Variants in SERPINI1 observed in about 807,000 individuals in gnomAD.
The protein encoded by SERPINI1 is serpin family I member 1.
Under a neutral mutation model 41.1 loss-of-function variants are expected in SERPINI1, and 19 were observed. The observed-to-expected ratio is 0.46, with a 90% CI of 0.32 to 0.68. The LOEUF is 0.68. SERPINI1 is among the 30% of genes least tolerant of loss of function. The probability of loss-of-function intolerance (pLI) is 0.03; values close to 1 mark genes in which losing one functional copy is unlikely to be tolerated. For missense variants in SERPINI1, 460 were observed against 479.2 expected, an observed-to-expected ratio of 0.96 and a Z score of 0.37; for synonymous variants, 138 against 156.6, an observed-to-expected ratio of 0.88 and a Z score of 0.89.
intron 1 of SERPINI1, among the ~76,000 whole-genome samples, chr3:167,751,116 T>A (rs931486575): frequency 2.0e-5 from 3 of 152,204 alleles, no homozygotes; most frequent in Non-Finnish European, 4.4e-5. Flanking sequence ...CTGAAATCTT[T>A]CTGTCTCACC....
At chr3:167,811,458 T>TA (rs11361725) in intron 6 of SERPINI1, among the ~76,000 whole-genome samples, 69 of 146,024 alleles carry the variant, frequency 4.7e-4, no homozygotes, top group Middle Eastern at 3.5e-3. Context: ...ATGAAATGGC[T>TA]AAAAAAAAAA....
At chr3:167,737,148 A>G (rs924750735) in intron 1 of SERPINI1, among the ~76,000 whole-genome samples, 1 of 152,126 alleles carries the variant, frequency 6.6e-6, no homozygotes, top group African/African-American at 2.4e-5. Context: ...GAAATGGCTC[A>G]AATGAATTCT....
intron 5 of SERPINI1, among the ~76,000 whole-genome samples, chr3:167,797,205 G>A (rs897871142): frequency 6.6e-6 from 1 of 151,950 alleles, no homozygotes; most frequent in Non-Finnish European, 1.5e-5. Context: ...TAATGTGATT[G>A]TTTACTCCTT....
intron 5 of SERPINI1, among the ~76,000 whole-genome samples, chr3:167,795,437 C>T (rs927335915): frequency 1.7e-4 from 26 of 152,178 alleles, no homozygotes; most frequent in Non-Finnish European, 2.9e-4. Context: ...CATGTTGTAG[C>T]ATGTTCTGTC....
intron 6 of SERPINI1, among the ~76,000 whole-genome samples, chr3:167,819,285 A>T (rs1411696655): frequency 6.6e-6 from 1 of 152,088 alleles, no homozygotes; most frequent in African/African-American, 2.4e-5. Flanking sequence ...GAGTGCTGGG[A>T]TAATAGGCAT....
At chr3:167,761,505 TC>T (rs1016375082) in intron 1 of SERPINI1, among the ~76,000 whole-genome samples, 1 of 152,218 alleles carries the variant, frequency 6.6e-6, no homozygotes, top group Non-Finnish European at 1.5e-5. Context: ...GTAGGCTCAT[TC>T]TACCTTAACC....
At chr3:167,776,197 C>G (rs891291976) in intron 1 of SERPINI1, among the ~76,000 whole-genome samples, 1 of 152,212 alleles carries the variant, frequency 6.6e-6, no homozygotes, top group Non-Finnish European at 1.5e-5. Flanking sequence ...TGACTTTTTA[C>G]CCGTCTCTCT....
chr3:167,783,669 C>T (rs1727212886), intron 1 of SERPINI1, among the ~76,000 whole-genome samples: 1 of 152,072 alleles, frequency 6.6e-6, no homozygotes, highest in African/African-American at 2.4e-5. Flanking sequence ...AGCGCCCACC[C>T]AGCCAAAAAC....
chr3:167,823,544 A>G (rs1214638682), intron 7 of SERPINI1, among the ~76,000 whole-genome samples: 6 of 152,190 alleles, frequency 3.9e-5, no homozygotes, highest in Non-Finnish European at 8.8e-5. Context: ...AATGCATAAT[A>G]ATGACATCAG....
intron 1 of SERPINI1, among the ~76,000 whole-genome samples, chr3:167,749,978 G>T (rs1163589931): frequency 6.6e-6 from 1 of 152,164 alleles, no homozygotes; most frequent in African/African-American, 2.4e-5. Context: ...GACAGAGCCA[G>T]AAAGTTTTAA....
chr3:167,799,980 G>GTATATGCAGGGGAGGT (rs1727849038), intron 5 of SERPINI1: 2 of 152,104 alleles, frequency 1.3e-5, no homozygotes, highest in Non-Finnish European at 2.9e-5. Context: ...AAAGGGGAGG[G>GTATATGCAGGGGAGGT]TATATGCAGG....
chr3:167,769,248 T>C (rs1726664259), intron 1 of SERPINI1, among the ~76,000 whole-genome samples: 4 of 152,166 alleles, frequency 2.6e-5, no homozygotes, highest in Non-Finnish European at 5.9e-5. Flanking sequence ...CGCCTTGGCC[T>C]CTCAAAGTGC....
At chr3:167,792,466 C>A (rs896643905) in intron 3 of SERPINI1, 124 bp from the exon 4 acceptor site, 6 of 690,844 alleles carry the variant, frequency 8.7e-6, no homozygotes, top group Non-Finnish European at 1.5e-5. Context: ...TTTTTATTTT[C>A]ATTGTAAATT....
At chr3:167,790,654 T>TAACTTA (rs779047455) in intron 3 of SERPINI1, 52 bp downstream of exon 3, 5 of 1,324,626 alleles carry the variant, frequency 3.8e-6, no homozygotes, top group Non-Finnish European at 5.4e-6. Flanking sequence ...TAACTGTCTT[T>TAACTTA]AACTTCTGAA....
chr3:167,751,867 G>A (rs1467602472), intron 1 of SERPINI1, among the ~76,000 whole-genome samples: 1 of 151,920 alleles, frequency 6.6e-6, no homozygotes, highest in Non-Finnish European at 1.5e-5. Flanking sequence ...CAATATAAAT[G>A]GATTTTGTTT....
chr3:167,768,333 A>G (rs1033352496), intron 1 of SERPINI1, among the ~76,000 whole-genome samples: 1 of 152,200 alleles, frequency 6.6e-6, no homozygotes, highest in African/African-American at 2.4e-5. Context: ...TTTAGACATA[A>G]TGCTATTGCA....
At position 167,792,649 on chromosome 3, in the gene SERPINI1, ATTAATGC is replaced by A; in HGVS notation, c.543_549del (p.Ile181MetfsTer34). ...TGATGCTGCCACTTATCTGGCCCTCATTAATGCTGTCTATTTCAAGGGGAACTGGAAG... is the reference window on the plus strand; with the variant it reads ...TGATGCTGCCACTTATCTGGCCCTCATGTCTATTTCAAGGGGAACTGGAAG... On this transcript the variant is annotated frameshift_variant, in exon 4 of 9. Transcript: ENST00000446050. LOFTEE classifies it high-confidence loss of function. 1 of 1,613,774 alleles carries A rather than the reference ATTAATGC, an allele frequency of 6.2e-7. No individual in the cohort carries two copies. The highest frequency in any genetic ancestry group is 8.5e-7 in the Non-Finnish European group (1 of 1,179,886).
At chr3:167,818,118 C>T (rs1409172732) in intron 6 of SERPINI1, among the ~76,000 whole-genome samples, 1 of 151,926 alleles carries the variant, frequency 6.6e-6, no homozygotes, top group Admixed American at 6.5e-5. Flanking sequence ...CTCTGCCTCT[C>T]GGGTTCAAGA....
intron 1 of SERPINI1, among the ~76,000 whole-genome samples, chr3:167,744,710 A>C (rs1301230474): frequency 1.5e-5 from 2 of 130,596 alleles, no homozygotes; most frequent in African/African-American, 5.7e-5. Flanking sequence ...ATATATATAA[A>C]ATATATATAA....
Sources: allele counts gnomAD v4.1 joint callset (sites outside exome capture counted in the v4.1 genomes callset), GRCh38; gene constraint gnomAD v4.1.1; transcripts MANE v1.5; gene names NCBI Gene and HGNC (gene_info 2026-07-23, HGNC 2026-07-21).